POLR3B: variants seen among roughly 807,000 people sequenced by gnomAD.
The protein encoded by POLR3B is DNA-directed RNA polymerase III subunit RPC2.
Under a neutral mutation model 147.4 loss-of-function variants are expected in POLR3B, and 96 were observed. That is an observed-to-expected ratio of 0.65 (90% confidence interval 0.55 to 0.77). The LOEUF (loss-of-function observed/expected upper bound fraction) is 0.77, where lower values mean the gene tolerates loss of function less well. POLR3B is among the 30% of genes least tolerant of loss of function. The pLI is 0.00. For missense variants in POLR3B, 1,036 were observed against 1,413.5 expected, an observed-to-expected ratio of 0.73 and a Z score of 4.28; for synonymous variants, 461 against 485.9, an observed-to-expected ratio of 0.95 and a Z score of 0.67.
At chr12:106,422,608 C>A (rs2037386342) in intron 12 of POLR3B, among the ~76,000 whole-genome samples, 1 of 152,070 alleles carries the variant, frequency 6.6e-6, no homozygotes, top group Non-Finnish European at 1.5e-5. Context: ...ACTGGTTGTC[C>A]CAGCTCCATT....
At chr12:106,421,438 C>CAA (rs2037372647) in intron 12 of POLR3B, among the ~76,000 whole-genome samples, 1 of 152,118 alleles carries the variant, frequency 6.6e-6, no homozygotes, top group South Asian at 2.1e-4. Flanking sequence ...GACTTACTAT[C>CAA]AAACTTTTAA....
At chr12:106,465,834 T>G (rs1037183205) in intron 23 of POLR3B, among the ~76,000 whole-genome samples, 1 of 152,260 alleles carries the variant, frequency 6.6e-6, no homozygotes, top group Non-Finnish European at 1.5e-5. Context: ...ACTGTATATG[T>G]GCCACATTTT....
At chr12:106,379,086 G>A (rs2036723175) in intron 8 of POLR3B, among the ~76,000 whole-genome samples, 1 of 152,156 alleles carries the variant, frequency 6.6e-6, no homozygotes, top group African/African-American at 2.4e-5. Context: ...CATTCATGGA[G>A]TACTTACTAG....
At chr12:106,501,475 G>A (rs756082337) in intron 26 of POLR3B, 39 bp downstream of exon 26, 6 of 1,170,388 alleles carry the variant, frequency 5.1e-6, no homozygotes, top group South Asian at 3.7e-5. Context: ...TGATAATGCA[G>A]TCAAGTCCAC....
intron 16 of POLR3B, among the ~76,000 whole-genome samples, chr12:106,434,267 A>T (rs1416467482): frequency 6.6e-6 from 1 of 152,192 alleles, no homozygotes; most frequent in East Asian, 1.9e-4. Flanking sequence ...CAGTGAGGCT[A>T]AGTAACTTAC....
chr12:106,413,649 C>G (rs1381979649), intron 12 of POLR3B, among the ~76,000 whole-genome samples: 1 of 151,602 alleles, frequency 6.6e-6, no homozygotes, highest in African/African-American at 2.4e-5. Context: ...GTGTGAATTT[C>G]TTTTATTTTT....
rs201182565 is a variant in POLR3B, at chr12:106,378,313, A to C, written c.543A>C (p.Gln181His). ...GAGTAGAAAAAGTTATTCTTATCCAAGAGCAGCTGTCTAAGAACAGGATCA... is the reference window on the plus strand; with the variant it reads ...GAGTAGAAAAAGTTATTCTTATCCACGAGCAGCTGTCTAAGAACAGGATCA... ...VKGVEKVILI[Q>H]EQLSKNRIIV... is the part of the protein sequence containing the mutation. Residue 181 changes from glutamine to histidine, a missense_variant, in exon 8 of 28, where the codon CAA becomes CAC. By Grantham distance (24) the Gln-to-His change is conservative (BLOSUM62 0). This residue lies in a region of POLR3B where 217 missense variants were observed against 288.7 expected (regional missense o/e 0.75). Coordinates refer to ENST00000228347, the MANE Select transcript of POLR3B (RefSeq NM_018082.6). 6.8e-6 allele frequency: 11 copies of C among 1,613,910 alleles called. No homozygotes were observed. The highest frequency in any genetic ancestry group is 9.3e-6 in the Non-Finnish European group (11 of 1,179,796).
chr12:106,359,249 A>T (rs188115253), intron 1 of POLR3B, among the ~76,000 whole-genome samples: 4 of 152,224 alleles, frequency 2.6e-5, no homozygotes, highest in Non-Finnish European at 5.9e-5. Flanking sequence ...ATAGTTTGAC[A>T]AGTTAAGGAA....
chr12:106,362,032 ATATG>A (rs2036477544), intron 1 of POLR3B, among the ~76,000 whole-genome samples: 1 of 152,186 alleles, frequency 6.6e-6, no homozygotes, highest in South Asian at 2.1e-4. Flanking sequence ...GAGAAGCTAA[ATATG>A]GAGTAATTTG....
intron 10 of POLR3B, among the ~76,000 whole-genome samples, chr12:106,400,782 A>T (rs1356285968): frequency 1.3e-5 from 2 of 152,234 alleles, no homozygotes; most frequent in Non-Finnish European, 2.9e-5. Flanking sequence ...ACCAATGAGA[A>T]CAAAGACACA....
chr12:106,398,003 C>T (rs149110446), intron 10 of POLR3B, among the ~76,000 whole-genome samples: 6 of 152,314 alleles, frequency 3.9e-5, no homozygotes, highest in East Asian at 3.9e-4. Flanking sequence ...GTGGGTGCAG[C>T]GCACCGTGCG....
Position 106,369,626 on chromosome 12 carries a change from A to G in POLR3B, c.347A>G (p.Asp116Gly). The G allele has an allele frequency of 1.2e-6, 2 of 1,613,358 alleles. No individual in the cohort carries two copies. The highest frequency in any genetic ancestry group is 1.7e-6 in the Non-Finnish European group (2 of 1,179,350). Residue 116 changes from aspartate (D) to glycine (G), a missense_variant, in exon 6 of 28, where the codon GAT (aspartate) becomes GGT (glycine). By Grantham distance (94) the Asp-to-Gly change is moderately conservative (BLOSUM62 -1). Transcript: ENST00000228347. ...DMTYSAPITV[D>G]IEYTRGSQRI... ...ACATACTCTGCCCCTATTACAGTGG[A>G]TATTGAATATACCCGAGGCAGCCAG...
intron 19 of POLR3B, among the ~76,000 whole-genome samples, chr12:106,448,234 C>T (rs1486467494): frequency 1.3e-5 from 2 of 151,390 alleles, no homozygotes; most frequent in African/African-American, 4.9e-5. Context: ...AGAATGTTAG[C>T]GATGAATATA....
At chr12:106,451,346 G>A (rs2037792665) in intron 19 of POLR3B, among the ~76,000 whole-genome samples, 1 of 151,994 alleles carries the variant, frequency 6.6e-6, no homozygotes, top group South Asian at 2.1e-4. Flanking sequence ...AGAAAATTGA[G>A]GCCAGGTACT....
chr12:106,360,516 A>G (rs139582301), intron 1 of POLR3B, among the ~76,000 whole-genome samples: 135 of 152,264 alleles, frequency 8.9e-4, no homozygotes, highest in African/African-American at 3.1e-3. Context: ...GATCTCTGCT[A>G]CTTGCTGCCA....
chr12:106,406,746 A>G (rs1291495672), intron 11 of POLR3B, among the ~76,000 whole-genome samples: 1 of 152,178 alleles, frequency 6.6e-6, no homozygotes, highest in Admixed American at 6.5e-5. Context: ...GAGATCAACC[A>G]TATTGGCATG....
At position 106,358,709 on chromosome 12, in the gene POLR3B, C is replaced by A. The variant is rs148266194; in HGVS notation, c.72+758C>A. Among the ~76,000 whole-genome samples the A allele has an allele frequency of 8.1e-3, 1,227 of 152,254 alleles. 20 individuals carry two copies. Among genetic ancestry groups the A allele is most frequent in the African/African-American group, 0.028 (1,171 of 41,550 alleles). ...AAAGAGAACAGGATACTTGAAACCT[C>A]CTCGGCAAGACCATTGGATGTTTTT... On this transcript the variant is annotated intron_variant, in intron 1 of 27. Transcript: ENST00000228347.
intron 12 of POLR3B, among the ~76,000 whole-genome samples, chr12:106,418,008 C>CA (rs1452455085): frequency 6.6e-6 from 1 of 152,092 alleles, no homozygotes; most frequent in Admixed American, 6.5e-5. Context: ...TGTGTAAAAA[C>CA]AATAGCTGCT....
chr12:106,408,505 A>G (rs377541086), intron 11 of POLR3B, among the ~76,000 whole-genome samples: 13 of 152,320 alleles, frequency 8.5e-5, no homozygotes, highest in African/African-American at 2.6e-4. Flanking sequence ...TGTCTTAACA[A>G]GCCCTCCAGA....
Sources: allele counts gnomAD v4.1 joint callset (sites outside exome capture counted in the v4.1 genomes callset), GRCh38; gene constraint gnomAD v4.1.1; regional missense constraint gnomAD v4.1.1; transcripts MANE v1.5; gene names NCBI Gene and HGNC (gene_info 2026-07-23, HGNC 2026-07-21).